The following PTPRD variants were observed in gnomAD, a reference collection of about 807,000 sequenced individuals.
PTPRD encodes receptor-type tyrosine-protein phosphatase delta.
A neutral mutation model predicts 214.5 loss-of-function variants in PTPRD; 34 were observed. The ratio of observed to expected loss-of-function variants is 0.16; its 90% CI spans 0.12 to 0.21. The LOEUF (loss-of-function observed/expected upper bound fraction) is 0.21. Among genes scored for constraint, PTPRD ranks in the 10% least tolerant of loss-of-function variants. The pLI is 1.00. For missense variants in PTPRD, 2,545 were observed against 2,398.7 expected (o/e 1.06, Z -1.27); for synonymous variants, 1,128 against 845.7 (o/e 1.33, Z -5.79).
chr9:8,603,632 T>C (rs1293230430), intron 14 of PTPRD, among the ~76,000 whole-genome samples: 2 of 152,152 alleles, frequency 1.3e-5, no homozygotes, highest in African/African-American at 4.8e-5. Flanking sequence ...AGCAAGCAGT[T>C]AGACGATTAA....
At chr9:8,867,895 C>A (rs1030498815) in intron 11 of PTPRD, among the ~76,000 whole-genome samples, 2 of 152,070 alleles carry the variant, frequency 1.3e-5, no homozygotes. Context: ...TAATAGAACC[C>A]TGTATAATTG....
chr9:10,211,808 A>G (rs1392191984), intron 3 of PTPRD, among the ~76,000 whole-genome samples: 1 of 152,096 alleles, frequency 6.6e-6, no homozygotes, highest in African/African-American at 2.4e-5. Flanking sequence ...GAGTAAGAAG[A>G]AGAGAGGGGG....
chr9:8,877,926 A>G (rs944049953), intron 11 of PTPRD, among the ~76,000 whole-genome samples: 2 of 152,126 alleles, frequency 1.3e-5, no homozygotes, highest in African/African-American at 4.8e-5. Flanking sequence ...AACTCTAGGA[A>G]AGTGTTGCTC....
intron 8 of PTPRD, among the ~76,000 whole-genome samples, chr9:9,566,441 C>A (rs1022564112): frequency 2.6e-5 from 4 of 151,926 alleles, no homozygotes; most frequent in Admixed American, 2.0e-4. Flanking sequence ...TCTCTCTGTA[C>A]GTGCTTTTCG....
At chr9:10,225,576 G>A (rs909844993) in intron 3 of PTPRD, among the ~76,000 whole-genome samples, 2 of 151,998 alleles carry the variant, frequency 1.3e-5, no homozygotes, top group Non-Finnish European at 2.9e-5. Flanking sequence ...GCTGTGGTGT[G>A]CTGCCTGCTT....
intron 3 of PTPRD, among the ~76,000 whole-genome samples, chr9:10,038,908 T>G (rs1438796345): frequency 2.6e-5 from 4 of 152,060 alleles, no homozygotes; most frequent in Admixed American, 6.6e-5. Flanking sequence ...ATTATTGCCC[T>G]TTACACTAGC....
chr9:9,768,599 G>T (rs567859520), intron 5 of PTPRD, among the ~76,000 whole-genome samples: 118 of 152,016 alleles, frequency 7.8e-4, no homozygotes, highest in Non-Finnish European at 1.6e-3. Context: ...GGGACGAAAT[G>T]AGGCATTTTA....
intron 5 of PTPRD, among the ~76,000 whole-genome samples, chr9:9,870,731 C>T (rs76030680): frequency 0.059 from 8,891 of 151,902 alleles, 810 homozygotes; most frequent in African/African-American, 0.2. Context: ...TACTGATGTT[C>T]GCAATCTAAT....
At chr9:10,150,716 A>G (rs1449734015) in intron 3 of PTPRD, among the ~76,000 whole-genome samples, 1 of 152,042 alleles carries the variant, frequency 6.6e-6, no homozygotes, top group East Asian at 1.9e-4. Context: ...GAAACAAAAA[A>G]AAAGAAATGG....
intron 2 of PTPRD, among the ~76,000 whole-genome samples, chr9:10,584,980 G>C (rs1166216830): frequency 1.3e-5 from 2 of 152,128 alleles, no homozygotes; most frequent in African/African-American, 4.8e-5. Flanking sequence ...ACACTTTTTA[G>C]CTTTCAGACG....
At chr9:9,453,394 T>C (rs370167911) in intron 8 of PTPRD, among the ~76,000 whole-genome samples, 1 of 151,662 alleles carries the variant, frequency 6.6e-6, no homozygotes, top group African/African-American at 2.4e-5. Context: ...CAACATAATA[T>C]CATAATATTT....
At chr9:9,356,278 C>A (rs1331853816) in intron 9 of PTPRD, among the ~76,000 whole-genome samples, 1 of 150,930 alleles carries the variant, frequency 6.6e-6, no homozygotes, top group Non-Finnish European at 1.5e-5. Context: ...TAGAAACAAC[C>A]TAGTAGAAAG....
intron 3 of PTPRD, among the ~76,000 whole-genome samples, chr9:10,064,418 G>A (rs2097840095): frequency 6.6e-6 from 1 of 151,844 alleles, no homozygotes; most frequent in African/African-American, 2.4e-5. Flanking sequence ...AATCTATATA[G>A]GCTTCCTATT....
intron 2 of PTPRD, among the ~76,000 whole-genome samples, chr9:10,555,381 G>C (rs1163907584): frequency 6.6e-6 from 1 of 152,132 alleles, no homozygotes; most frequent in Non-Finnish European, 1.5e-5. Context: ...ACTTCAAATT[G>C]TATCAATAGG....
chr9:10,018,926 T>C (rs1464585742), intron 4 of PTPRD, among the ~76,000 whole-genome samples: 1 of 152,130 alleles, frequency 6.6e-6, no homozygotes, highest in Non-Finnish European at 1.5e-5. Context: ...TATTTACAAA[T>C]GGGATCTAAT....
intron 2 of PTPRD, among the ~76,000 whole-genome samples, chr9:10,489,425 C>A (rs143695499): frequency 6.4e-4 from 97 of 152,240 alleles, no homozygotes; most frequent in Non-Finnish European, 1.0e-3. Flanking sequence ...AGCCTGGGGT[C>A]AGGGGAGGGG....
chr9:9,143,227 C>T (rs997434595), intron 10 of PTPRD, among the ~76,000 whole-genome samples: 14 of 152,100 alleles, frequency 9.2e-5, no homozygotes, highest in Admixed American at 2.0e-4. Flanking sequence ...ATGTTTATGC[C>T]GAATCTATAA....
chr9:10,470,232 A>G (rs2099021645), intron 2 of PTPRD, among the ~76,000 whole-genome samples: 1 of 152,130 alleles, frequency 6.6e-6, no homozygotes, highest in Non-Finnish European at 1.5e-5. Context: ...CACACCACAT[A>G]AATATGTACA....
At chr9:9,736,252 T>C (rs1408123) in intron 6 of PTPRD, among the ~76,000 whole-genome samples, 76,563 of 151,926 alleles carry the variant, frequency 0.5, 22,935 homozygotes, top group African/African-American at 0.83. Flanking sequence ...TGGTTCTAAC[T>C]TAAGTTTTAA....
Sources: gnomAD v4.1 joint callset for allele counts (sites outside exome capture counted in the v4.1 genomes callset) on GRCh38, gnomAD v4.1.1 for gene constraint, MANE v1.5 for transcripts, NCBI Gene and HGNC (gene_info 2026-07-23, HGNC 2026-07-21) for gene names.